The following CD302 variants were observed in gnomAD, a reference collection of about 807,000 sequenced individuals.
The protein encoded by CD302 is CD302 antigen.
A neutral mutation model predicts 26.5 loss-of-function variants in CD302; 23 were observed. The observed-to-expected ratio is 0.87, with a 90% CI of 0.62 to 1.23. The LOEUF (loss-of-function observed/expected upper bound fraction) is 1.23, where lower values mean the gene tolerates loss of function less well. Ranked by LOEUF, CD302 falls within the 50% of genes most tolerant of loss-of-function variation. The pLI, the probability that CD302 is intolerant of heterozygous loss-of-function variation, is 0.00. For missense variants in CD302, 290 were observed against 275.5 expected (o/e 1.05, Z -0.37); for synonymous variants, 90 against 99.4 (o/e 0.91, Z 0.56).
At chr2:159,785,097 C>T (rs1445257199) in intron 1 of CD302, among the ~76,000 whole-genome samples, 1 of 151,604 alleles carries the variant, frequency 6.6e-6, no homozygotes, top group Non-Finnish European at 1.5e-5. Context: ...GCCTCCGCCT[C>T]CTGAGTAGCT....
intron 5 of CD302, among the ~76,000 whole-genome samples, chr2:159,773,894 T>C (rs1708232189): frequency 6.6e-6 from 1 of 152,178 alleles, no homozygotes; most frequent in African/African-American, 2.4e-5. Flanking sequence ...AAAAATACTT[T>C]TTAGCCTAAC....
At chr2:159,780,203 C>T (rs1417131769) in intron 3 of CD302, 25 bp from the exon 4 acceptor site, 6 of 1,609,066 alleles carry the variant, frequency 3.7e-6, no homozygotes, top group Non-Finnish European at 4.2e-6. Context: ...ATATTTTCAA[C>T]ATTATGACAG....
intron 2 of CD302, among the ~76,000 whole-genome samples, chr2:159,782,730 A>C (rs1269127135): frequency 6.6e-6 from 1 of 152,144 alleles, no homozygotes; most frequent in Non-Finnish European, 1.5e-5. Flanking sequence ...GTCTCAAAAA[A>C]AAAAAAAAAG....
At chr2:159,782,219 T>C (rs1365940380) in intron 2 of CD302, among the ~76,000 whole-genome samples, 2 of 151,164 alleles carry the variant, frequency 1.3e-5, no homozygotes, top group Non-Finnish European at 2.9e-5. Flanking sequence ...GACGAGACCA[T>C]CCTGGCCAAC....
chr2:159,771,480 ATT>A lies in CD302; in HGVS notation c.*369_*370del, dbSNP rs1708145037. 1.2e-5 allele frequency: 2 copies of A among 162,568 alleles called. No individual in the cohort carries two copies. The highest frequency in any genetic ancestry group is 3.5e-4 in the South Asian group (2 of 5,642). 10.1% of individuals were successfully genotyped at this position (162,568 alleles called of 1,614,324 possible). A position where few individuals can be genotyped will look rare whatever the true frequency, so the allele number is the denominator to read the frequency against. ...ATGTACTTAAAATCACTTATTCCCCATTTCATGTTTACTAATAAACATATAAA... is the reference window on the plus strand; with the variant it reads ...ATGTACTTAAAATCACTTATTCCCCATCATGTTTACTAATAAACATATAAA... On this transcript the variant is annotated 3_prime_UTR_variant, in exon 6 of 6. Transcript: ENST00000259053.
chr2:159,787,656 G>A (rs1271047813), intron 1 of CD302, among the ~76,000 whole-genome samples: 1 of 151,950 alleles, frequency 6.6e-6, no homozygotes, highest in Non-Finnish European at 1.5e-5. Flanking sequence ...TTGCCTGGCC[G>A]GTGTTCTTTT....
chr2:159,794,749 C>T (rs1367686545), intron 1 of CD302, among the ~76,000 whole-genome samples: 5 of 150,592 alleles, frequency 3.3e-5, no homozygotes, highest in Admixed American at 6.6e-5. Flanking sequence ...AGGGTTTCAC[C>T]GTGTTAGCCA....
intron 2 of CD302, among the ~76,000 whole-genome samples, chr2:159,782,967 G>C (rs79151694): frequency 0.066 from 9,990 of 152,216 alleles, 357 homozygotes; most frequent in East Asian, 0.094. Flanking sequence ...TAAAATCCTG[G>C]CTTTGTCAAT....
At position 159,771,716 on chromosome 2, in the gene CD302, T is replaced by C. The variant is rs1708151352; in HGVS notation, c.*135A>G. The C allele has an allele frequency of 2.0e-6, 2 of 1,003,254 alleles. No individual in the cohort carries two copies. Among genetic ancestry groups the C allele is most frequent in the Non-Finnish European group, 1.4e-6 (1 of 693,278 alleles). 62.1% of individuals were successfully genotyped at this position (1,003,254 alleles called of 1,614,324 possible). A position where few individuals can be genotyped will look rare whatever the true frequency, so the allele number is the denominator to read the frequency against. On this transcript the variant is annotated 3_prime_UTR_variant, in exon 6 of 6. Transcript: ENST00000259053. Reference sequence around the variant, plus strand: ...CTAAAGACTTTTCACAGCAGATGAGTACATAAAAATGTTACTGGAATAAGG... The same window carrying C: ...CTAAAGACTTTTCACAGCAGATGAGCACATAAAAATGTTACTGGAATAAGG...
At chr2:159,790,760 G>A (rs1413307601) in intron 1 of CD302, among the ~76,000 whole-genome samples, 2 of 152,052 alleles carry the variant, frequency 1.3e-5, no homozygotes, top group Non-Finnish European at 2.9e-5. Context: ...GGCAATTATT[G>A]AACCACAGGT....
intron 1 of CD302, among the ~76,000 whole-genome samples, chr2:159,787,162 T>TTGCTGGGGCCATCGAGTA (rs1708689197): frequency 6.6e-6 from 1 of 152,244 alleles, no homozygotes. Flanking sequence ...TAGAAGTAGA[T>TTGCTGGGGCCATCGAGTA]TGCTGGGGCC....
At position 159,771,980 on chromosome 2, in the gene CD302, C is replaced by T. The variant is rs1708161208; in HGVS notation, c.570G>A (p.Trp190Ter). ...AATCAGAATGTTTTTTGTACAGGAA[C>T]CAAATGATTGCTCCCAAAACTGTCA... ...VILTVLGAII[W>*]FLYKKHSDSR... The change falls in exon 6 of 6, where the codon TGG becomes TGA. Residue 190 changes from tryptophan to a stop codon, truncating the protein, a stop_gained. Coordinates refer to ENST00000259053, the MANE Select transcript of CD302 (RefSeq NM_014880.5). LOFTEE classifies it high-confidence loss of function. 1 of 1,613,796 alleles carries T rather than the reference C, an allele frequency of 6.2e-7. No individual in the cohort carries two copies. The highest frequency in any genetic ancestry group is 1.7e-5 in the Admixed American group (1 of 59,988).
rs139117827 is a variant in CD302, at chr2:159,776,149, G to A, written c.496+1789C>T. On this transcript the variant is annotated intron_variant, in intron 5 of 5. Coordinates refer to ENST00000259053, the MANE Select transcript of CD302 (RefSeq NM_014880.5). ...ATTACAGGCGTGAGCCACTGCGCCC[G>A]GCCTGTGCCTGGCTTATTTTGTTTA... Among the ~76,000 whole-genome samples the A allele has an allele frequency of 4.0e-5, 6 of 151,700 alleles. No homozygotes were observed. In the East Asian group the frequency reaches 9.7e-4, roughly 25 times the overall value.
At chr2:159,774,452 C>A (rs1359293399) in intron 5 of CD302, among the ~76,000 whole-genome samples, 1 of 152,154 alleles carries the variant, frequency 6.6e-6, no homozygotes, top group East Asian at 1.9e-4. Context: ...CCGAACTATA[C>A]ATAATCCACC....
At chr2:159,778,639 GGGGAAAT>G (rs2125798462) in intron 4 of CD302, among the ~76,000 whole-genome samples, 1 of 152,216 alleles carries the variant, frequency 6.6e-6, no homozygotes, top group African/African-American at 2.4e-5. Flanking sequence ...GATGCAAAAT[GGGGAAAT>G]GGTTGTTTAT....
intron 1 of CD302, among the ~76,000 whole-genome samples, chr2:159,794,304 A>AAATAAAATAAT (rs200422118): frequency 1.0e-4 from 2 of 19,680 alleles, no homozygotes; most frequent in South Asian, 1.3e-3. Context: ...AAATAAAATA[A>AAATAAAATAAT]TAAAAAAAAA....
Position 159,783,447 on chromosome 2 carries a change from A to AC in CD302, c.89_90insG (p.Ile30MetfsTer29). On this transcript the variant is annotated frameshift_variant, in exon 2 of 6. Coordinates refer to ENST00000259053, the MANE Select transcript of CD302 (RefSeq NM_014880.5). LOFTEE classifies it high-confidence loss of function. ...AAATGTAACAACTGTCTTGGAACTG[A>AC]ATCCAAGTAGATGAAGGACAGTCTA... The AC allele has an allele frequency of 6.2e-7, 1 of 1,610,178 alleles. No homozygotes were observed. Among genetic ancestry groups the AC allele is most frequent in the East Asian group, 2.2e-5 (1 of 44,760 alleles).
Position 159,771,038 on chromosome 2 carries a change from A to C in CD302, c.*813T>G, listed in dbSNP as rs1001086571. The C allele has an allele frequency of 1.3e-5, 2 of 152,172 alleles. No homozygotes were observed. The highest frequency in any genetic ancestry group is 2.9e-5 in the Non-Finnish European group (2 of 68,000). 9.4% of individuals were successfully genotyped at this position (152,172 alleles called of 1,614,324 possible). On this transcript the variant is annotated 3_prime_UTR_variant, in exon 6 of 6. Coordinates refer to ENST00000259053, the MANE Select transcript of CD302 (RefSeq NM_014880.5). ...CTTTGATCACTGTCACTACAGTTGT[A>C]CTTAAGTGTTTTTCTTCGGTTTTTG... is the stretch of plus-strand genomic sequence containing the variant.
intron 1 of CD302, among the ~76,000 whole-genome samples, chr2:159,787,230 T>C (rs1574498530): frequency 6.6e-6 from 1 of 152,186 alleles, no homozygotes; most frequent in African/African-American, 2.4e-5. Flanking sequence ...TTCTAAGTAG[T>C]TATAATTCTT....
Sources: allele counts gnomAD v4.1 joint callset (sites outside exome capture counted in the v4.1 genomes callset), GRCh38; gene constraint gnomAD v4.1.1; transcripts MANE v1.5; gene names NCBI Gene and HGNC (gene_info 2026-07-23, HGNC 2026-07-21).